CNST: variants seen among roughly 807,000 people sequenced by gnomAD.
CNST encodes consortin, connexin sorting protein, also known as consortin.
In CNST, 39 loss-of-function variants were observed where a neutral mutation model predicts 72.4. The observed-to-expected ratio is 0.54, with a 90% CI of 0.42 to 0.70. The LOEUF (loss-of-function observed/expected upper bound fraction) is 0.70. Ranked by LOEUF, CNST falls within the 30% of genes least tolerant of loss-of-function variation. The pLI is 0.00. For synonymous variants in CNST, 332 were observed against 320.1 expected, an observed-to-expected ratio of 1.04 and a Z score of -0.40; for missense variants, 871 against 868.5, an observed-to-expected ratio of 1.00 and a Z score of -0.04.
chr1:246,642,041 T>G lies in CNST; in HGVS notation c.937+4T>G. On this transcript the variant is annotated splice_donor_region_variant and intron_variant, in intron 8 of 10. Coordinates refer to ENST00000366513, the MANE Select transcript of CNST (RefSeq NM_152609.3). Reference sequence around the variant, plus strand: ...GGAGCTACCACCAAAGAGTCAGGTATGTTTTTAACTTAAGCTATGGAGCAA... The same window carrying G: ...GGAGCTACCACCAAAGAGTCAGGTAGGTTTTTAACTTAAGCTATGGAGCAA... 1.3e-6 allele frequency: 2 copies of G among 1,577,962 alleles called. No homozygotes were observed. Among genetic ancestry groups the G allele is most frequent in the Non-Finnish European group, 8.7e-7 (1 of 1,152,148 alleles).
chr1:246,607,193 T>C (rs1304750618), intron 2 of CNST: 2 of 151,762 alleles, frequency 1.3e-5, no homozygotes, highest in South Asian at 4.2e-4. Flanking sequence ...GGTTGGTAAG[T>C]GTCCAGGTCG....
chr1:246,639,862 G>A (rs887902912), intron 6 of CNST, among the ~76,000 whole-genome samples: 2 of 150,818 alleles, frequency 1.3e-5, no homozygotes, highest in Admixed American at 1.3e-4. Context: ...TGGGGCCGAG[G>A]TTTTATGGTC....
intron 9 of CNST, among the ~76,000 whole-genome samples, chr1:246,651,470 C>A (rs1666444449): frequency 6.6e-6 from 1 of 152,160 alleles, no homozygotes; most frequent in South Asian, 2.1e-4. Context: ...TTTGCATTGC[C>A]CAGCCTTGGC....
At chr1:246,627,389 C>T (rs866698522) in intron 3 of CNST, among the ~76,000 whole-genome samples, 3 of 152,200 alleles carry the variant, frequency 2.0e-5, no homozygotes, top group Non-Finnish European at 4.4e-5. Context: ...CTCAGATATA[C>T]CAAGGATGTT....
intron 10 of CNST, among the ~76,000 whole-genome samples, chr1:246,665,407 C>A (rs567608268): frequency 1.6e-4 from 24 of 152,326 alleles, no homozygotes; most frequent in Admixed American, 2.0e-4. Flanking sequence ...TTCATTAATG[C>A]GTGCTATGAG....
intron 2 of CNST, chr1:246,606,713 C>T (rs1457309854): frequency 1.2e-4 from 18 of 151,814 alleles, no homozygotes; most frequent in Admixed American, 1.2e-3. Context: ...CACTCGTCCT[C>T]TCACGGTCTT....
chr1:246,611,788 T>C (rs1663331707), intron 2 of CNST, among the ~76,000 whole-genome samples: 1 of 152,218 alleles, frequency 6.6e-6, no homozygotes, highest in South Asian at 2.1e-4. Flanking sequence ...CTAAGGTTCA[T>C]AGCAGCATTA....
chr1:246,652,517 G>A (rs1174109468), intron 9 of CNST, among the ~76,000 whole-genome samples: 2 of 152,202 alleles, frequency 1.3e-5, no homozygotes, highest in African/African-American at 4.8e-5. Context: ...TTAGCAACAT[G>A]ATATGCTGTG....
rs998870594 is a variant in CNST at position 246,633,880 on chromosome 1, T to G, written c.617-44T>G. The stretch of plus-strand genomic sequence containing the variant: ...CATTGTTCTTCAAATATGGGAATAA[T>G]GTAAATAGTGTGGATTTCTATTTTC... On this transcript the variant is annotated intron_variant, in intron 4 of 10. Transcript: ENST00000366513. 4 of 1,292,440 alleles carry G rather than the reference T, an allele frequency of 3.1e-6. No individual in the cohort carries two copies. In the Admixed American group the frequency reaches 5.1e-5, roughly 16 times the overall value. The allele number at this position is 1,292,440 out of a possible 1,614,324, so 80.1% of individuals were successfully genotyped here.
At chr1:246,574,629 C>T (rs953695673) in intron 1 of CNST, among the ~76,000 whole-genome samples, 5 of 151,912 alleles carry the variant, frequency 3.3e-5, no homozygotes, top group Non-Finnish European at 7.4e-5. Context: ...CTGTGTTGCC[C>T]CAGCTGGTCT....
Position 246,647,305 on chromosome 1 carries a change from A to G in CNST, c.1104A>G (p.Glu368=). 6.2e-7 allele frequency: 1 copy of G among 1,614,134 alleles called. No individual in the cohort carries two copies. ...DHMEELLCSA[E]ATLALHTQSS... The stretch of plus-strand genomic sequence containing the variant: ...TGGAGGAGCTGCTCTGCAGCGCTGA[A>G]GCCACGTTAGCGCTCCACACCCAGT... The change falls in exon 9 of 11, where the codon GAA becomes GAG. Residue 368 remains glutamate (E), a synonymous_variant. Transcript: ENST00000366513.
chr1:246,664,166 A>G (rs1205813781), intron 10 of CNST, among the ~76,000 whole-genome samples: 1 of 152,226 alleles, frequency 6.6e-6, no homozygotes, highest in Non-Finnish European at 1.5e-5. Context: ...TACTTACATC[A>G]TATTCCATTA....
At chr1:246,634,436 T>TA in intron 5 of CNST, 37 bp from the exon 6 acceptor site, 5 of 1,272,576 alleles carry the variant, frequency 3.9e-6, no homozygotes, top group Non-Finnish European at 5.5e-6. Flanking sequence ...AAATATGTTT[T>TA]ATAAGAGCCA....
At chr1:246,659,379 G>A (rs376358369) in intron 9 of CNST, among the ~76,000 whole-genome samples, 2 of 152,202 alleles carry the variant, frequency 1.3e-5, no homozygotes, top group East Asian at 3.9e-4. Flanking sequence ...CAGATCACGA[G>A]GTCAGGAGAT....
At chr1:246,648,138 A>G (rs1044641815) in intron 9 of CNST, 101 bp downstream of exon 9, 41 of 1,465,510 alleles carry the variant, frequency 2.8e-5, no homozygotes, top group Non-Finnish European at 3.5e-5. Flanking sequence ...CCTTGTCTCA[A>G]ACATGAGGGA....
chr1:246,662,622 C>T (rs1667161607), intron 10 of CNST, among the ~76,000 whole-genome samples: 2 of 152,180 alleles, frequency 1.3e-5, no homozygotes, highest in Non-Finnish European at 1.5e-5. Flanking sequence ...AACTCCTGAC[C>T]TCAGGTGATC....
intron 6 of CNST, among the ~76,000 whole-genome samples, chr1:246,640,488 T>TA (rs959573731): frequency 1.6e-4 from 25 of 152,026 alleles, no homozygotes; most frequent in Non-Finnish European, 2.6e-4. Context: ...CTTACTTTTT[T>TA]AAAAAAAATT....
Position 246,660,314 on chromosome 1 carries a change from T to C in CNST, c.1952T>C (p.Ile651Thr), listed in dbSNP as rs781071107. ...PSKRRVRFQE[I>T]DDSLDQDEVG... ...AAGCGAAGAGTGAGATTCCAAGAAA[T>C]AGACGATAGCTTGGATCAAGGTAAA... Residue 651 changes from isoleucine (I) to threonine (T), a missense_variant, in exon 10 of 11, where the codon ATA becomes ACA. By Grantham distance (89) the Ile-to-Thr change is moderately conservative. Coordinates refer to ENST00000366513, the MANE Select transcript of CNST (RefSeq NM_152609.3). 2.7e-5 allele frequency: 43 copies of C among 1,613,938 alleles called. 1 individual carries two copies. In the South Asian group the frequency reaches 4.2e-4, roughly 16 times the overall value.
At chr1:246,622,221 C>T (rs1321028603) in intron 3 of CNST, among the ~76,000 whole-genome samples, 1 of 152,108 alleles carries the variant, frequency 6.6e-6, no homozygotes, top group Non-Finnish European at 1.5e-5. Flanking sequence ...AAGCATCTAC[C>T]AGGCACCAAA....
Sources: allele counts gnomAD v4.1 joint callset (sites outside exome capture counted in the v4.1 genomes callset), GRCh38; gene constraint gnomAD v4.1.1; transcripts MANE v1.5; gene names NCBI Gene and HGNC (gene_info 2026-07-23, HGNC 2026-07-21).